PRXL2B: variants seen among roughly 807,000 people sequenced by gnomAD.
The protein encoded by PRXL2B is peroxiredoxin like 2B, also known as prostamide/prostaglandin F synthase.
Under a neutral mutation model 24.4 loss-of-function variants are expected in PRXL2B, and 26 were observed. The observed-to-expected ratio is 1.07, with a 90% confidence interval of 0.78 to 1.48. The LOEUF is 1.48. PRXL2B is among the 40% of genes most tolerant of loss of function. PRXL2B has a pLI of 0.00. For synonymous variants in PRXL2B, 115 were observed against 118.9 expected (o/e 0.97, Z 0.21); for missense variants, 269 against 264.8 (o/e 1.02, Z -0.11).
In PRXL2B at chr1:2,587,144, G is replaced by T; in HGVS notation, c.117G>T (p.Leu39=). 1 of 1,541,320 alleles carries T rather than the reference G, an allele frequency of 6.5e-7. No individual in the cohort carries two copies. The highest frequency in any genetic ancestry group is 2.4e-5 in the East Asian group (1 of 41,282). The change falls in exon 2 of 7, where the codon CTG becomes CTT. Residue 39 remains leucine (L), a synonymous_variant. Coordinates refer to ENST00000419916, the MANE Select transcript of PRXL2B (RefSeq NM_152371.5). The surrounding 1 kb of genome is among the most constrained non-coding windows in gnomAD (Gnocchi z 6.1). ...AGCACGCGTGCGTGGTGGCCGGGCT[G>T]CGGCGCTTCGGGTGCGTGGTGTGCC... ...WREHACVVAG[L]RRFGCVVCRW...
At chr1:2,588,166 C>T (rs1644573769) in intron 3 of PRXL2B, among the ~76,000 whole-genome samples, 1 of 152,152 alleles carries the variant, frequency 6.6e-6, no homozygotes, top group East Asian at 1.9e-4. Flanking sequence ...ATCCATGCTC[C>T]CTGCACCCTC....
In PRXL2B at chr1:2,591,144, C is replaced by T; in HGVS notation, c.*1717C>T. The T allele has an allele frequency of 4.7e-6, 6 of 1,270,288 alleles. No individual in the cohort carries two copies. Among genetic ancestry groups the T allele is most frequent in the Non-Finnish European group, 5.4e-6 (5 of 924,928 alleles). The allele number at this position is 1,270,288 out of a possible 1,614,324, so 78.7% of individuals were successfully genotyped here. On this transcript the variant is annotated 3_prime_UTR_variant, in exon 7 of 7. Transcript: ENST00000419916. The stretch of plus-strand genomic sequence containing the variant: ...CATTGCCATCTTGGACAAACATGGC[C>T]ATTTTAAGTTCTCCGTGATTAAAAA...
Position 2,587,688 on chromosome 1 carries a change from G to GT in PRXL2B, c.269-51dup. ...GAGGGCGATTCTTTGTGGTGAGTGG[G>GT]TTGGGGGCTGGTTCTGCGCCTGGGG... On this transcript the variant is annotated intron_variant, in intron 2 of 6. Coordinates refer to ENST00000419916, the MANE Select transcript of PRXL2B (RefSeq NM_152371.5). The surrounding 1 kb of genome is among the most constrained non-coding windows in gnomAD (Gnocchi z 6.1). 6.4e-7 allele frequency: 1 copy of GT among 1,562,304 alleles called. No homozygotes were observed. Among genetic ancestry groups the GT allele is most frequent in the Non-Finnish European group, 8.7e-7 (1 of 1,150,368 alleles).
chr1:2,590,922 C>T lies in PRXL2B; in HGVS notation c.*1495C>T. 8.1e-7 allele frequency: 1 copy of T among 1,241,854 alleles called. No individual in the cohort carries two copies. The highest frequency in any genetic ancestry group is 1.1e-6 in the Non-Finnish European group (1 of 948,646). The allele number at this position is 1,241,854 out of a possible 1,614,324, so 76.9% of individuals were successfully genotyped here. On this transcript the variant is annotated 3_prime_UTR_variant, in exon 7 of 7. Coordinates refer to ENST00000419916, the MANE Select transcript of PRXL2B (RefSeq NM_152371.5). Reference sequence around the variant, plus strand: ...GGGACGTACACTGGGTCGCCGCTAGCTGCACCTTCGCACAGATGCCTCCGA... The same window carrying T: ...GGGACGTACACTGGGTCGCCGCTAGTTGCACCTTCGCACAGATGCCTCCGA...
At position 2,590,858 on chromosome 1, in the gene PRXL2B, A is replaced by G; in HGVS notation, c.*1431A>G. 1 of 649,462 alleles carries G rather than the reference A, an allele frequency of 1.5e-6. No individual in the cohort carries two copies. The highest frequency in any genetic ancestry group is 2.3e-6 in the Non-Finnish European group (1 of 428,762). The allele number at this position is 649,462 out of a possible 1,614,324, so 40.2% of individuals were successfully genotyped here. Reference sequence around the variant, plus strand: ...GGTGGCTGCACCCTAGGCCAGGCGCAGAGGCCTGGCAGGCAGGCTTGGCAT... The same window carrying G: ...GGTGGCTGCACCCTAGGCCAGGCGCGGAGGCCTGGCAGGCAGGCTTGGCAT... On this transcript the variant is annotated 3_prime_UTR_variant, in exon 7 of 7. Transcript: ENST00000419916.
intron 3 of PRXL2B, 23 bp from the exon 4 acceptor site, chr1:2,588,367 C>T (rs1161934857): frequency 6.2e-7 from 1 of 1,614,092 alleles, no homozygotes; most frequent in African/African-American, 1.3e-5. Flanking sequence ...GGAGTTTGGC[C>T]AAGCGACCTG....
chr1:2,586,828 G>A lies in PRXL2B; in HGVS notation c.-58G>A. 1.6e-6 allele frequency: 2 copies of A among 1,275,190 alleles called. No individual in the cohort carries two copies. The highest frequency in any genetic ancestry group is 3.1e-5 in the East Asian group (1 of 32,098). 79.0% of individuals were successfully genotyped at this position (1,275,190 alleles called of 1,614,324 possible). On this transcript the variant is annotated 5_prime_UTR_variant, in exon 1 of 7. Transcript: ENST00000419916. ...GGGAGCGGGGATCCAGGAGCGAGGA[G>A]CCGGGAGCGGGGAACAGGGAGTCGG...
Position 2,587,023 on chromosome 1 carries a change from G to A in PRXL2B, c.64-68G>A. 7.5e-7 allele frequency: 1 copy of A among 1,336,954 alleles called. No homozygotes were observed. The allele number at this position is 1,336,954 out of a possible 1,614,324, so 82.8% of individuals were successfully genotyped here. On this transcript the variant is annotated intron_variant, in intron 1 of 6. Coordinates refer to ENST00000419916, the MANE Select transcript of PRXL2B (RefSeq NM_152371.5). This position sits in a 1 kb window ranked among gnomAD's most constrained non-coding sequence, Gnocchi z 6.1. Reference sequence around the variant, plus strand: ...CGGGCGTCCTGGCAGCGATGGGGTGGTGGGGGCCGCGGGGCCTGGGCGGGG... The same window carrying A: ...CGGGCGTCCTGGCAGCGATGGGGTGATGGGGGCCGCGGGGCCTGGGCGGGG...
At chr1:2,586,708 G>A (rs1644522717), upstream of PRXL2B, 2 of 1,237,038 alleles carry the variant, frequency 1.6e-6, no homozygotes, top group Non-Finnish European at 2.0e-6. Flanking sequence ...CGGGCCCGGG[G>A]CGGAGACGAG....
rs532194491 is a variant in PRXL2B, at chr1:2,590,916, C to T, written c.*1489C>T. Reference sequence around the variant, plus strand: ...CGGGGCGGGACGTACACTGGGTCGCCGCTAGCTGCACCTTCGCACAGATGC... The same window carrying T: ...CGGGGCGGGACGTACACTGGGTCGCTGCTAGCTGCACCTTCGCACAGATGC... On this transcript the variant is annotated 3_prime_UTR_variant, in exon 7 of 7. Transcript: ENST00000419916. 32 of 1,201,286 alleles carry T rather than the reference C, an allele frequency of 2.7e-5. No homozygotes were observed. The highest frequency in any genetic ancestry group is 2.2e-4 in the African/African-American group (14 of 62,864). The allele number at this position is 1,201,286 out of a possible 1,614,324, so 74.4% of individuals were successfully genotyped here.
rs1644549263 is a variant in PRXL2B at position 2,587,336 on chromosome 1, C to T, written c.268+41C>T. 6 of 1,536,576 alleles carry T rather than the reference C, an allele frequency of 3.9e-6. No homozygotes were observed. The highest frequency in any genetic ancestry group is 1.4e-5 in the African/African-American group (1 of 72,986). ...CGCCGCGGCGGCGCACATACCCTTC[C>T]CTAAGCTCAGGGCGTTCGGGGCCCT... On this transcript the variant is annotated intron_variant, in intron 2 of 6. Transcript: ENST00000419916. This position sits in a 1 kb window ranked among gnomAD's most constrained non-coding sequence, Gnocchi z 6.1.
chr1:2,588,854 C>A, intron 5 of PRXL2B, 68 bp from the exon 6 acceptor site: 1 of 1,486,732 alleles, frequency 6.7e-7, no homozygotes, highest in Non-Finnish European at 9.4e-7. Context: ...ACCCTCCCTC[C>A]TCCTGGTATG....
At chr1:2,588,863 T>C (rs6667564) in intron 5 of PRXL2B, 59 bp from the exon 6 acceptor site, 583,880 of 1,505,856 alleles carry the variant, frequency 0.39, 121,502 homozygotes, top group African/African-American at 0.75. Flanking sequence ...CCTCCTGGTA[T>C]GTGGCTGTGA....
intron 6 of PRXL2B, 47 bp from the exon 7 acceptor site, chr1:2,589,363 T>C: frequency 6.2e-7 from 1 of 1,607,282 alleles, no homozygotes; most frequent in African/African-American, 1.3e-5. Flanking sequence ...CAGGCATTTG[T>C]CTGATCCAGT....
At chr1:2,586,567 C>T, upstream of PRXL2B, 1 of 446,734 alleles carries the variant, frequency 2.2e-6, no homozygotes. Context: ...GGATTTGGCG[C>T]CGCGATCTCG....
rs1027304226 is a variant in PRXL2B, at chr1:2,586,796, A to G, written c.-90A>G. Reference sequence around the variant, plus strand: ...CGGGGCGGGGCTTGGGGCTGGATCTATGAGCCGGGAGCGGGGATCCAGGAG... The same window carrying G: ...CGGGGCGGGGCTTGGGGCTGGATCTGTGAGCCGGGAGCGGGGATCCAGGAG... On this transcript the variant is annotated 5_prime_UTR_variant, in exon 1 of 7. It removes an upstream start codon present in the reference 5' UTR. Transcript: ENST00000419916. The G allele has an allele frequency of 3.2e-6, 4 of 1,258,608 alleles. No homozygotes were observed. The highest frequency in any genetic ancestry group is 1.6e-5 in the African/African-American group (1 of 64,278). 78.0% of individuals were successfully genotyped at this position (1,258,608 alleles called of 1,614,324 possible).
rs372372061 is a variant in PRXL2B, at chr1:2,588,609, G to A, written c.444G>A (p.Leu148=). The change falls in exon 5 of 7, where the codon CTG becomes CTA. Residue 148 remains leucine, a synonymous_variant. Coordinates refer to ENST00000419916, the MANE Select transcript of PRXL2B (RefSeq NM_152371.5). ...LSGDLLQSGG[L]LVVSKGGDKV... is the part of the protein sequence containing the mutation. ...GGGACCTGCTGCAGAGCGGAGGGCT[G>A]CTGGTGGTCAGCAAAGGTGGGTCGA... is the stretch of plus-strand genomic sequence containing the variant. 3.7e-6 allele frequency: 6 copies of A among 1,613,944 alleles called. No homozygotes were observed. The highest frequency in any genetic ancestry group is 5.1e-6 in the Non-Finnish European group (6 of 1,180,000).
chr1:2,587,278 G>A lies in PRXL2B; in HGVS notation c.251G>A (p.Gly84Asp). The change falls in exon 2 of 7, where the codon GGC becomes GAC. Residue 84 changes from glycine (G) to aspartate (D), a missense_variant. Coordinates refer to ENST00000419916, the MANE Select transcript of PRXL2B (RefSeq NM_152371.5). This position sits in a 1 kb window ranked among gnomAD's most constrained non-coding sequence, Gnocchi z 6.1. ...EALGLQEFLD[G>D]DYFAGELYLD... ...CTGGGTCTGCAGGAGTTCCTGGACG[G>A]CGACTACTTCGCGGGAGGTGCGTCC... The A allele has an allele frequency of 6.4e-7, 1 of 1,571,892 alleles. No homozygotes were observed. Among genetic ancestry groups the A allele is most frequent in the South Asian group, 1.1e-5 (1 of 86,966 alleles).
chr1:2,587,380 C>A lies in PRXL2B; in HGVS notation c.268+85C>A. 6.9e-7 allele frequency: 1 copy of A among 1,450,886 alleles called. No homozygotes were observed. The highest frequency in any genetic ancestry group is 9.3e-7 in the Non-Finnish European group (1 of 1,076,636). The allele number at this position is 1,450,886 out of a possible 1,614,324, so 89.9% of individuals were successfully genotyped here. On this transcript the variant is annotated intron_variant, in intron 2 of 6. Coordinates refer to ENST00000419916, the MANE Select transcript of PRXL2B (RefSeq NM_152371.5). This position sits in a 1 kb window ranked among gnomAD's most constrained non-coding sequence, Gnocchi z 6.1. Reference sequence around the variant, plus strand: ...GGGCCCTTTCCTGCCCAACCCCGGCCCTTCTGTCTGCTGGAGCGGCCTTGA... The same window carrying A: ...GGGCCCTTTCCTGCCCAACCCCGGCACTTCTGTCTGCTGGAGCGGCCTTGA...
Sources: gnomAD v4.1 joint callset for allele counts (sites outside exome capture counted in the v4.1 genomes callset) on GRCh38, gnomAD v4.1.1 for gene constraint, Gnocchi (gnomAD v3.1) non-coding constraint, MANE v1.5 for transcripts, NCBI Gene and HGNC (gene_info 2026-07-23, HGNC 2026-07-21) for gene names.